LIAS: variants seen among roughly 807,000 people sequenced by gnomAD.
The protein encoded by LIAS is lipoyl synthase, mitochondrial.
Under a neutral mutation model 49.4 loss-of-function variants are expected in LIAS, and 36 were observed. The observed-to-expected ratio is 0.73, with a 90% CI of 0.56 to 0.96. The LOEUF (loss-of-function observed/expected upper bound fraction) is 0.96. Among genes scored for constraint, LIAS ranks in the 40% least tolerant of loss-of-function variants. The pLI is 0.00. For synonymous variants in LIAS, 145 were observed against 155.8 expected, an observed-to-expected ratio of 0.93 and a Z score of 0.52; for missense variants, 399 against 456.3, an observed-to-expected ratio of 0.87 and a Z score of 1.14.
chr4:39,469,733 T>C, intron 7 of LIAS: 1 of 283,306 alleles, frequency 3.5e-6, no homozygotes, highest in Non-Finnish European at 6.6e-6. Context: ...TTTTTTTCCT[T>C]TCTCTTCTAA....
At chr4:39,473,394 T>C (rs1745065377) in intron 10 of LIAS, 183 bp downstream of exon 10, 1 of 441,058 alleles carries the variant, frequency 2.3e-6, no homozygotes, top group Non-Finnish European at 4.0e-6. Flanking sequence ...AAGAAAAGTT[T>C]CTCTTAATCT....
intron 7 of LIAS, 42 bp from the exon 8 acceptor site, chr4:39,469,977 G>T: frequency 6.3e-7 from 1 of 1,579,182 alleles, no homozygotes; most frequent in South Asian, 1.1e-5. Flanking sequence ...GTACTTGGTT[G>T]AACTTGTAAT....
chr4:39,473,185 C>T lies in LIAS; in HGVS notation c.1040C>T (p.Pro347Leu). Residue 347 changes from proline (P) to leucine (L), a missense_variant, in exon 10 of 11, where the codon CCT becomes CTT. Transcript: ENST00000640888. ...GGATTTCATTATACTGCAAGTGGCC[C>T]TTTGGTGCGTTCTTCATATAAAGCA... ...ELGFHYTASG[P>L]LVRSSYKAGE... 1 of 1,612,260 alleles carries T rather than the reference C, an allele frequency of 6.2e-7. No individual in the cohort carries two copies. Among genetic ancestry groups the T allele is most frequent in the South Asian group, 1.1e-5 (1 of 91,012 alleles).
At chr4:39,468,509 A>C (rs1043382018) in intron 7 of LIAS, 1 of 142,102 alleles carries the variant, frequency 7.0e-6, no homozygotes, top group African/African-American at 2.6e-5. Flanking sequence ...AAAAATATAT[A>C]TATATATATA....
chr4:39,473,081 A>T lies in LIAS; in HGVS notation c.955-19A>T. ...AGTGGAATTCTAAAATCTGATCAGA[A>T]GTAATTATTTAAATCTAGGTTGAAG... On this transcript the variant is annotated intron_variant, in intron 9 of 10. Coordinates refer to ENST00000640888, the MANE Select transcript of LIAS (RefSeq NM_006859.4). 1.5e-6 allele frequency: 2 copies of T among 1,360,988 alleles called. No individual in the cohort carries two copies. The allele number at this position is 1,360,988 out of a possible 1,614,324, so 84.3% of individuals were successfully genotyped here.
chr4:39,473,357 G>A (rs901806546), intron 10 of LIAS, 146 bp downstream of exon 10: 18 of 563,172 alleles, frequency 3.2e-5, no homozygotes, highest in Non-Finnish European at 5.1e-5. Context: ...AACATCCTTA[G>A]GAGCTTTGCT....
At position 39,460,821 on chromosome 4, in the gene LIAS, G is replaced by C; in HGVS notation, c.77G>C (p.Arg26Thr). ...VFGRYFCSPV[R>T]PLSSLPDKKK... Reference sequence around the variant, plus strand: ...GGGAGATATTTTTGCAGCCCAGTCAGACCGTTAAGCTCCTTGCCAGATAAA... The same window carrying C: ...GGGAGATATTTTTGCAGCCCAGTCACACCGTTAAGCTCCTTGCCAGATAAA... The change falls in exon 2 of 11, where the codon AGA becomes ACA. Residue 26 changes from arginine to threonine, a missense_variant. By Grantham distance (71) the Arg-to-Thr change is moderately conservative. This residue lies in a region of LIAS where 159 missense variants were observed against 147.6 expected (regional missense o/e 1.08). Coordinates refer to ENST00000640888, the MANE Select transcript of LIAS (RefSeq NM_006859.4). 6.3e-7 allele frequency: 1 copy of C among 1,592,352 alleles called. No individual in the cohort carries two copies. The highest frequency in any genetic ancestry group is 1.2e-5 in the South Asian group (1 of 85,596).
At chr4:39,460,996 G>A (rs1240211089) in intron 2 of LIAS, 34 bp downstream of exon 2, 4 of 1,546,566 alleles carry the variant, frequency 2.6e-6, no homozygotes, top group African/African-American at 2.8e-5. Context: ...TTAACGTCCC[G>A]TTCCTTTATT....
chr4:39,471,169 A>G (rs1330606705), intron 8 of LIAS, 67 bp from the exon 9 acceptor site: 4 of 1,196,806 alleles, frequency 3.3e-6, no homozygotes, highest in African/African-American at 1.5e-5. Flanking sequence ...AATATTCCTT[A>G]GGAAAATTAT....
chr4:39,462,526 A>G (rs753075700), intron 3 of LIAS, among the ~76,000 whole-genome samples: 7 of 152,340 alleles, frequency 4.6e-5, no homozygotes, highest in Non-Finnish European at 1.0e-4. Context: ...CAAATTAGAT[A>G]TATGATTTGT....
chr4:39,468,523 T>TATATATA (rs1167812647), intron 7 of LIAS: 7 of 140,204 alleles, frequency 5.0e-5, no homozygotes, highest in African/African-American at 1.4e-4. Context: ...ATATATATAT[T>TATATATA]TTTTTATATT....
At chr4:39,471,335 T>TC (rs746049459) in intron 9 of LIAS, 29 bp downstream of exon 9, 8 of 1,554,094 alleles carry the variant, frequency 5.1e-6, no homozygotes, top group Non-Finnish European at 5.3e-6. Flanking sequence ...GCTTTTTTTT[T>TC]TTTTTTTTAT....
At chr4:39,468,514 TA>T (rs1744851410) in intron 7 of LIAS, 2 of 142,832 alleles carry the variant, frequency 1.4e-5, no homozygotes, top group African/African-American at 5.2e-5. Context: ...TATATATATA[TA>T]TATATATTTT....
At chr4:39,460,655 T>C in intron 1 of LIAS, 135 bp from the exon 2 acceptor site, 1 of 627,374 alleles carries the variant, frequency 1.6e-6, no homozygotes, top group Non-Finnish European at 2.7e-6. Flanking sequence ...TGCCCTAGAA[T>C]ACTAGAGCTC....
intron 3 of LIAS, among the ~76,000 whole-genome samples, chr4:39,463,226 T>C (rs1744610302): frequency 6.6e-6 from 1 of 151,714 alleles, no homozygotes; most frequent in East Asian, 1.9e-4. Context: ...GCTGGGAGTA[T>C]AGGTGCACAT....
chr4:39,461,839 C>T (rs1326890989), intron 2 of LIAS, among the ~76,000 whole-genome samples: 4 of 152,158 alleles, frequency 2.6e-5, no homozygotes, highest in East Asian at 1.9e-4. Context: ...GGACTACAGG[C>T]GCCTGCCACC....
In LIAS at chr4:39,462,287, A is replaced by G. The variant is rs779888885; in HGVS notation, c.310A>G (p.Thr104Ala). Reference protein sequence around the residue: ...KNTLRNLNLHTVCEEARCPNI... With the variant: ...KNTLRNLNLHAVCEEARCPNI... ...TACTTTGCGGAATTTAAATCTCCATACAGTAAGTTGTCAAAGTGTAAACTA... is the reference window on the plus strand; with the variant it reads ...TACTTTGCGGAATTTAAATCTCCATGCAGTAAGTTGTCAAAGTGTAAACTA... The change falls in exon 3 of 11, where the codon ACA (threonine) becomes GCA (alanine). Residue 104 changes from threonine (T) to alanine (A), a missense_variant and splice_region_variant. Coordinates refer to ENST00000640888, the MANE Select transcript of LIAS (RefSeq NM_006859.4). The G allele has an allele frequency of 1.3e-6, 2 of 1,503,000 alleles. No individual in the cohort carries two copies. Among genetic ancestry groups the G allele is most frequent in the East Asian group, 2.5e-5 (1 of 39,434 alleles). 93.1% of individuals were successfully genotyped at this position (1,503,000 alleles called of 1,614,324 possible).
rs1397998638 is a variant in LIAS, at chr4:39,471,295, C to A, written c.943C>A (p.Arg315Ser). The change falls in exon 9 of 11, where the codon CGT (arginine) becomes AGT (serine). Residue 315 changes from arginine to serine, a missense_variant. This residue lies in a region of LIAS where 234 missense variants were observed against 292.2 expected (regional missense o/e 0.80). Transcript: ENST00000640888. ...AGGACAATATATGCAGCCAACAAGG[C>A]GTCACCTTAAGGTACATGTATCTTG... ...TLGQYMQPTR[R>S]HLKVEEYITP... 6.9e-6 allele frequency: 11 copies of A among 1,597,584 alleles called. No individual in the cohort carries two copies. The highest frequency in any genetic ancestry group is 9.4e-6 in the Non-Finnish European group (11 of 1,168,264).
In LIAS at chr4:39,462,342, G is replaced by T. The variant is rs148167149; in HGVS notation, c.312+53G>T. 1.1e-4 allele frequency: 82 copies of T among 763,486 alleles called. No homozygotes were observed. In the African/African-American group the frequency reaches 1.3e-3, roughly 12 times the overall value. The allele number at this position is 763,486 out of a possible 1,614,324, so 47.3% of individuals were successfully genotyped here. ...TCTTCACCAAAAGCCATGTTTCTAC[G>T]TTTATATAACTTAAAAATTATTAAT... On this transcript the variant is annotated intron_variant, in intron 3 of 10. Transcript: ENST00000640888.
Sources: allele counts gnomAD v4.1 joint callset (sites outside exome capture counted in the v4.1 genomes callset), GRCh38; gene constraint gnomAD v4.1.1; regional missense constraint gnomAD v4.1.1; transcripts MANE v1.5; gene names NCBI Gene and HGNC (gene_info 2026-07-23, HGNC 2026-07-21).